Variants in DMAC2L observed in about 807,000 individuals in gnomAD.
DMAC2L encodes the protein ATP synthase subunit s, mitochondrial.
Under a neutral mutation model 22.5 loss-of-function variants are expected in DMAC2L, and 21 were observed. The ratio of observed to expected loss-of-function variants is 0.93; its 90% CI spans 0.66 to 1.34. The LOEUF is 1.34. Ranked by LOEUF, DMAC2L falls within the 40% of genes most tolerant of loss-of-function variation. The pLI is 0.00. For missense variants in DMAC2L, 239 were observed against 246.5 expected, an observed-to-expected ratio of 0.97 and a Z score of 0.20; for synonymous variants, 86 against 89.5, an observed-to-expected ratio of 0.96 and a Z score of 0.22.
upstream of DMAC2L, chr14:50,312,216 C>G (rs1027312804): frequency 9.8e-5 from 156 of 1,586,488 alleles, no homozygotes; most frequent in Admixed American, 9.4e-4. Flanking sequence ...GGCCGAGGAC[C>G]CGCGCTCTTT....
intron 2 of DMAC2L, chr14:50,319,319 C>T (rs1356019971): frequency 1.3e-6 from 2 of 1,535,980 alleles, no homozygotes; most frequent in East Asian, 2.4e-5. Context: ...GTTCTGTCTT[C>T]AGTTCACATC....
chr14:50,321,257 C>A, intron 2 of DMAC2L: 1 of 643,424 alleles, frequency 1.6e-6, no homozygotes, highest in Non-Finnish European at 2.2e-6. Context: ...ACTTAACGTT[C>A]TAGCCGGAAG....
chr14:50,313,082 T>C, intron 1 of DMAC2L: 2 of 1,582,324 alleles, frequency 1.3e-6, no homozygotes, highest in Non-Finnish European at 1.7e-6. Context: ...TGATTCCCTT[T>C]ATGTAAAAAT....
upstream of DMAC2L, chr14:50,312,000 C>T (rs1335525494): frequency 3.9e-6 from 6 of 1,556,180 alleles, no homozygotes; most frequent in African/African-American, 8.1e-5. Context: ...GGAGGACCAG[C>T]GGCCACTCAC....
rs1398217707 is a variant in DMAC2L, at chr14:50,326,557, TC to T, written c.*835del. ...TTCCCATGATCCTGCATTCTTGTGT[TC>T]TTGATAGCATACAGACTTACTCAGA... On this transcript the variant is annotated 3_prime_UTR_variant, in exon 6 of 6. Coordinates refer to ENST00000557421, the MANE Select transcript of DMAC2L (RefSeq NM_001382507.1). The T allele has an allele frequency of 2.0e-6, 2 of 985,450 alleles. No homozygotes were observed. The highest frequency in any genetic ancestry group is 2.4e-6 in the Non-Finnish European group (2 of 829,930). 61.0% of individuals were successfully genotyped at this position (985,450 alleles called of 1,614,324 possible).
At chr14:50,319,611 T>C (rs772375707) in intron 2 of DMAC2L, among the ~76,000 whole-genome samples, 15 of 152,218 alleles carry the variant, frequency 9.9e-5, no homozygotes, top group Non-Finnish European at 1.9e-4. Context: ...ATATCAGGGC[T>C]TCAGTTTCCT....
In DMAC2L at chr14:50,317,981, T is replaced by C. The variant is rs527457002; in HGVS notation, c.-6+3355T>C. ...GGGATGCTGGATTTTGTCAAATGCT[T>C]TTTCTGCATCTATTGAGATGATCAT... On this transcript the variant is annotated intron_variant, in intron 2 of 5. Transcript: ENST00000557421. Among the ~76,000 whole-genome samples, 3 of 152,348 alleles carry C rather than the reference T, an allele frequency of 2.0e-5. No individual in the cohort carries two copies. In the South Asian group the frequency reaches 6.2e-4, roughly 32 times the overall value.
chr14:50,312,747 C>T, intron 1 of DMAC2L: 4 of 451,184 alleles, frequency 8.9e-6, no homozygotes, highest in South Asian at 6.4e-5. Context: ...GTCGAGCGTC[C>T]ACTAGAAGGG....
At chr14:50,318,474 A>T (rs1260168239) in intron 2 of DMAC2L, among the ~76,000 whole-genome samples, 4 of 152,224 alleles carry the variant, frequency 2.6e-5, no homozygotes, top group African/African-American at 9.7e-5. Context: ...ATCAAGCAAA[A>T]ATATTCAGTT....
chr14:50,319,084 A>T, intron 2 of DMAC2L: 1 of 1,454,070 alleles, frequency 6.9e-7, no homozygotes, highest in Non-Finnish European at 9.0e-7. Flanking sequence ...CCACAGATTG[A>T]TGGTGATGGG....
intron 3 of DMAC2L, among the ~76,000 whole-genome samples, chr14:50,321,825 C>T (rs1464570330): frequency 1.3e-5 from 2 of 152,068 alleles, no homozygotes; most frequent in Admixed American, 6.5e-5. Flanking sequence ...TCTTACTTGT[C>T]CTTTTGATAT....
chr14:50,326,690 T>A lies in DMAC2L; in HGVS notation c.*967T>A. ...ATACAAATAGTTTTGCAGATTGCAA[T>A]ATAATAAAGGAAACAGTAAAAACTA... On this transcript the variant is annotated 3_prime_UTR_variant, in exon 6 of 6. Coordinates refer to ENST00000557421, the MANE Select transcript of DMAC2L (RefSeq NM_001382507.1). The A allele has an allele frequency of 1.0e-6, 1 of 985,346 alleles. No homozygotes were observed. The allele number at this position is 985,346 out of a possible 1,614,324, so 61.0% of individuals were successfully genotyped here.
chr14:50,315,619 G>A (rs12892128), intron 2 of DMAC2L, among the ~76,000 whole-genome samples: 81,910 of 142,238 alleles, frequency 0.58, 23,004 homozygotes, highest in East Asian at 0.65. Flanking sequence ...CTGAGACTGC[G>A]CCACTGCACT....
chr14:50,322,709 T>G lies in DMAC2L; in HGVS notation c.306T>G (p.Phe102Leu). 6.2e-7 allele frequency: 1 copy of G among 1,614,236 alleles called. No individual in the cohort carries two copies. The highest frequency in any genetic ancestry group is 8.5e-7 in the Non-Finnish European group (1 of 1,180,034). ...ATDSCIMSIG[F>L]DHMEGLEHVE... ...ACTCTTGTATCATGAGCATTGGATT[T>G]GATCACATGGGTAACTACCCTATCG... The change falls in exon 4 of 6, where the codon TTT becomes TTG. Residue 102 changes from phenylalanine to leucine, a missense_variant. Coordinates refer to ENST00000557421, the MANE Select transcript of DMAC2L (RefSeq NM_001382507.1).
Position 50,316,542 on chromosome 14 carries a change from C to T in DMAC2L, c.-6+1916C>T, listed in dbSNP as rs139695530. ...ATAGTTTCAGGTCTTAGATGTAAGT[C>T]CCTGATCCATCTTGAGTTGATTTTT... On this transcript the variant is annotated intron_variant, in intron 2 of 5. Transcript: ENST00000557421. Among the ~76,000 whole-genome samples, 192 of 152,286 alleles carry T rather than the reference C, an allele frequency of 1.3e-3. 1 individual carries two copies. In the East Asian group the frequency reaches 0.028, roughly 22 times the overall value.
chr14:50,325,692 C>T lies in DMAC2L; in HGVS notation c.572C>T (p.Pro191Leu), dbSNP rs775147044. 1 of 1,612,436 alleles carries T rather than the reference C, an allele frequency of 6.2e-7. No homozygotes were observed. The change falls in exon 6 of 6, where the codon CCT becomes CTT. Residue 191 changes from proline to leucine, a missense_variant. Pro to Leu is a moderately conservative substitution (Grantham distance 98). Coordinates refer to ENST00000557421, the MANE Select transcript of DMAC2L (RefSeq NM_001382507.1). ...GTCCAAGCCTTTAAGACAGCACTGC[C>T]TTCTCTGGAACTAAAATTACAATTG... is the stretch of plus-strand genomic sequence containing the variant. ...NLVQAFKTAL[P>L]SLELKLQLK
chr14:50,323,387 CCTCT>C (rs2032453221), intron 4 of DMAC2L, among the ~76,000 whole-genome samples: 1 of 127,076 alleles, frequency 7.9e-6, no homozygotes, highest in Non-Finnish European at 1.6e-5. Context: ...CTGCACCCGG[CCTCT>C]TTTTTTTTTT....
chr14:50,318,893 C>G (rs1045548428), intron 2 of DMAC2L: 6 of 303,068 alleles, frequency 2.0e-5, no homozygotes, highest in African/African-American at 1.4e-4. Flanking sequence ...ATTATATGTT[C>G]TATGAGGTCA....
rs528535239 is a variant in DMAC2L, at chr14:50,318,747, A to G, written c.-5-2736A>G. On this transcript the variant is annotated intron_variant, in intron 2 of 5. Transcript: ENST00000557421. ...TGAAAACTCTTAATCATTAAGACCCATTTCAAAAGACACCTCTAGTGTGAA... is the reference window on the plus strand; with the variant it reads ...TGAAAACTCTTAATCATTAAGACCCGTTTCAAAAGACACCTCTAGTGTGAA... Among the ~76,000 whole-genome samples, 171 of 152,138 alleles carry G rather than the reference A, an allele frequency of 1.1e-3. 1 individual carries two copies. The highest frequency in any genetic ancestry group is 2.1e-3 in the Non-Finnish European group (144 of 68,000).
Sources: allele counts gnomAD v4.1 joint callset (sites outside exome capture counted in the v4.1 genomes callset), GRCh38; gene constraint gnomAD v4.1.1; transcripts MANE v1.5; gene names NCBI Gene and HGNC (gene_info 2026-07-23, HGNC 2026-07-21).